Variants in HMBOX1 observed in about 807,000 individuals in gnomAD.
The protein encoded by HMBOX1 is homeobox containing 1.
HMBOX1 carries 14 observed loss-of-function variants against 54.5 expected under a neutral mutation model. The observed-to-expected ratio is 0.26, with a 90% CI of 0.17 to 0.40. The LOEUF (loss-of-function observed/expected upper bound fraction) is 0.40, where lower values mean the gene tolerates loss of function less well. Among genes scored for constraint, HMBOX1 ranks in the 10% least tolerant of loss-of-function variants. The pLI, the probability that HMBOX1 is intolerant of heterozygous loss-of-function variation, is 1.00. For missense variants in HMBOX1, 332 were observed against 514.4 expected, an observed-to-expected ratio of 0.65 and a Z score of 3.43; for synonymous variants, 160 against 181.0, an observed-to-expected ratio of 0.88 and a Z score of 0.93.
intron 1 of HMBOX1, among the ~76,000 whole-genome samples, chr8:28,895,146 G>T (rs1811852378): frequency 6.6e-6 from 1 of 152,202 alleles, no homozygotes; most frequent in African/African-American, 2.4e-5. Context: ...CACATGCTGA[G>T]TATGTATTCT....
At chr8:28,956,382 T>C (rs915341783) in intron 1 of HMBOX1, among the ~76,000 whole-genome samples, 4 of 152,140 alleles carry the variant, frequency 2.6e-5, no homozygotes, top group Non-Finnish European at 5.9e-5. Context: ...GTTTCTGGTC[T>C]TTGTTAAGCA....
In HMBOX1 at chr8:28,995,869, G is replaced by A. The variant is rs563124014; in HGVS notation, c.587-13203G>A. ...TGTAATCCCAGCACTTTGGAAGGCC[G>A]CGGCGGGTGGATCACAAGGTCAGGA... On this transcript the variant is annotated intron_variant, in intron 4 of 9. Coordinates refer to ENST00000287701, the MANE Select transcript of HMBOX1 (RefSeq NM_001135726.3). Among the ~76,000 whole-genome samples, 24 of 152,278 alleles carry A rather than the reference G, an allele frequency of 1.6e-4. No individual in the cohort carries two copies. In the East Asian group the frequency reaches 4.3e-3, roughly 27 times the overall value.
intron 6 of HMBOX1, 131 bp downstream of exon 6, chr8:29,019,044 A>T (rs1426998400): frequency 4.4e-6 from 3 of 689,572 alleles, no homozygotes; most frequent in Non-Finnish European, 7.3e-6. Flanking sequence ...GTACTTTAGA[A>T]TATCATAAAT....
chr8:28,912,183 A>T (rs993284460), intron 1 of HMBOX1, among the ~76,000 whole-genome samples: 1 of 152,212 alleles, frequency 6.6e-6, no homozygotes, highest in Non-Finnish European at 1.5e-5. Context: ...TGTGTATTCA[A>T]CATAACAATA....
At chr8:29,009,400 C>T (rs1833913284) in intron 5 of HMBOX1, 2 of 945,538 alleles carry the variant, frequency 2.1e-6, no homozygotes, top group South Asian at 9.9e-5. Flanking sequence ...ACTCCTTCCC[C>T]TAAGACACCT....
chr8:29,036,603 A>C (rs897822901), intron 6 of HMBOX1, among the ~76,000 whole-genome samples: 2 of 152,196 alleles, frequency 1.3e-5, no homozygotes, highest in South Asian at 2.1e-4. Flanking sequence ...GGCTATCATG[A>C]GTTTCTTTCT....
At chr8:29,029,706 C>G (rs78667639) in intron 6 of HMBOX1, among the ~76,000 whole-genome samples, 43 of 152,252 alleles carry the variant, frequency 2.8e-4, no homozygotes, top group African/African-American at 1.0e-3. Flanking sequence ...TGAGAACTTA[C>G]GGTTACGGGA....
chr8:29,006,059 C>G (rs1455903324), intron 4 of HMBOX1, among the ~76,000 whole-genome samples: 1 of 143,876 alleles, frequency 7.0e-6, no homozygotes, highest in Non-Finnish European at 1.5e-5. Flanking sequence ...GTGGCGCAAT[C>G]TTGGCTCACT....
chr8:28,986,818 G>A (rs933842922), intron 4 of HMBOX1, among the ~76,000 whole-genome samples: 2 of 151,696 alleles, frequency 1.3e-5, no homozygotes, highest in Non-Finnish European at 2.9e-5. Flanking sequence ...TTAATTTTTT[G>A]GAAAACTATT....
At chr8:28,996,861 T>C (rs1361918683) in intron 4 of HMBOX1, among the ~76,000 whole-genome samples, 3 of 152,206 alleles carry the variant, frequency 2.0e-5, no homozygotes, top group Non-Finnish European at 1.5e-5. Flanking sequence ...TTTGATGCTA[T>C]TGTAAGTAGA....
intron 1 of HMBOX1, among the ~76,000 whole-genome samples, chr8:28,912,435 T>A (rs1379202731): frequency 6.6e-6 from 1 of 152,230 alleles, no homozygotes; most frequent in Non-Finnish European, 1.5e-5. Flanking sequence ...TGTTTTCTCA[T>A]CTATAGACAA....
intron 6 of HMBOX1, among the ~76,000 whole-genome samples, chr8:29,021,462 T>G (rs1801146241): frequency 6.6e-6 from 1 of 152,060 alleles, no homozygotes; most frequent in Non-Finnish European, 1.5e-5. Flanking sequence ...AATTGCAACT[T>G]TTATTATCCC....
At chr8:29,024,407 C>T (rs1369823758) in intron 6 of HMBOX1, among the ~76,000 whole-genome samples, 2 of 152,008 alleles carry the variant, frequency 1.3e-5, no homozygotes, top group African/African-American at 2.4e-5. Context: ...TTAATTATAC[C>T]GTAAGTGTTG....
chr8:28,943,236 A>C (rs1292081977), intron 1 of HMBOX1, among the ~76,000 whole-genome samples: 1 of 152,266 alleles, frequency 6.6e-6, no homozygotes, highest in Non-Finnish European at 1.5e-5. Context: ...AAAGCATACA[A>C]ATTGTATTCA....
chr8:29,003,756 A>T (rs1833028173), intron 4 of HMBOX1, among the ~76,000 whole-genome samples: 1 of 151,698 alleles, frequency 6.6e-6, no homozygotes, highest in African/African-American at 2.4e-5. Context: ...GCTTTAACTT[A>T]AATTTAAACA....
rs76671157 is a variant in HMBOX1, at chr8:28,894,897, C to A, written c.-58+4219C>A. ...TCCAGTGATTAGTGTAATCTTAATGCAATATTTGACAGATTCTTAGGCTAT... is the reference window on the plus strand; with the variant it reads ...TCCAGTGATTAGTGTAATCTTAATGAAATATTTGACAGATTCTTAGGCTAT... On this transcript the variant is annotated intron_variant, in intron 1 of 9. Transcript: ENST00000287701. 6.9e-3 allele frequency among the ~76,000 whole-genome samples: 1,022 copies of A among 148,256 alleles called. 14 individuals carry two copies. Among genetic ancestry groups the A allele is most frequent in the East Asian group, 0.056 (286 of 5,064 alleles).
chr8:28,921,367 A>G (rs146089359), intron 1 of HMBOX1, among the ~76,000 whole-genome samples: 1 of 152,124 alleles, frequency 6.6e-6, no homozygotes, highest in African/African-American at 2.4e-5. Context: ...ATTTCCATAG[A>G]CGTTTGACCA....
chr8:28,972,986 C>A (rs1222542695), intron 3 of HMBOX1, among the ~76,000 whole-genome samples: 1 of 152,124 alleles, frequency 6.6e-6, no homozygotes, highest in African/African-American at 2.4e-5. Flanking sequence ...CATTTCTCTG[C>A]TTCTTTATTA....
chr8:28,897,750 A>T (rs537944733), intron 1 of HMBOX1, among the ~76,000 whole-genome samples: 1 of 152,334 alleles, frequency 6.6e-6, no homozygotes, highest in East Asian at 1.9e-4. Context: ...GCTAGAGAGG[A>T]TATGTTAGAA....
Sources: gnomAD v4.1 joint callset for allele counts (sites outside exome capture counted in the v4.1 genomes callset) on GRCh38, gnomAD v4.1.1 for gene constraint, MANE v1.5 for transcripts, NCBI Gene and HGNC (gene_info 2026-07-23, HGNC 2026-07-21) for gene names.